Variants in PPP2R2B observed in about 807,000 individuals in gnomAD.
PPP2R2B encodes serine/threonine-protein phosphatase 2A 55 kDa regulatory subunit B beta isoform.
Under a neutral mutation model 46.0 loss-of-function variants are expected in PPP2R2B, and 5 were observed. The observed-to-expected ratio is 0.11, with a 90% CI of 0.06 to 0.23. PPP2R2B has a LOEUF of 0.23. Among genes scored for constraint, PPP2R2B ranks in the 10% least tolerant of loss-of-function variants. The probability of loss-of-function intolerance (pLI) is 1.00; values close to 1 mark genes in which losing one functional copy is unlikely to be tolerated. For missense variants in PPP2R2B, 367 were observed against 575.0 expected, an observed-to-expected ratio of 0.64 and a Z score of 3.70; for synonymous variants, 215 against 206.7, an observed-to-expected ratio of 1.04 and a Z score of -0.34.
At chr5:147,029,511 C>A (rs2151890492) in intron 1 of PPP2R2B, among the ~76,000 whole-genome samples, 1 of 152,154 alleles carries the variant, frequency 6.6e-6, no homozygotes, top group South Asian at 2.1e-4. Flanking sequence ...TATCCAATAC[C>A]CAATATCTTA....
rs550149433 is a variant in PPP2R2B, at chr5:146,936,628, G to C, written c.79+119037C>G. Among the ~76,000 whole-genome samples the C allele has an allele frequency of 8.0e-5, 12 of 149,772 alleles. No homozygotes were observed. The South Asian group carries it at 2.7e-3, about 34-fold the overall frequency. On this transcript the variant is annotated intron_variant, in intron 1 of 8. Transcript: ENST00000336640. ...CAGAACCTCTCTGTACAGAGAGATA[G>C]TAAGAGGACATGCACAAAGCACTAA...
chr5:146,775,884 T>C (rs1456240421), intron 2 of PPP2R2B, among the ~76,000 whole-genome samples: 1 of 152,006 alleles, frequency 6.6e-6, no homozygotes, highest in Non-Finnish European at 1.5e-5. Flanking sequence ...TACAATAGCA[T>C]AAAAAATAAT....
chr5:147,079,466 A>ATATATATT (rs1412259177), intron 2 of PPP2R2B, among the ~76,000 whole-genome samples: 2 of 145,758 alleles, frequency 1.4e-5, no homozygotes, highest in Non-Finnish European at 3.0e-5. Flanking sequence ...ATATATATAT[A>ATATATATT]TATACATGTG....
intron 2 of PPP2R2B, among the ~76,000 whole-genome samples, chr5:147,074,769 T>C (rs1757709848): frequency 6.6e-6 from 1 of 152,146 alleles, no homozygotes; most frequent in African/African-American, 2.4e-5. Flanking sequence ...TACTTTAGGG[T>C]ATATGAAATA....
chr5:146,928,934 A>C (rs928321522), intron 1 of PPP2R2B, among the ~76,000 whole-genome samples: 1 of 152,066 alleles, frequency 6.6e-6, no homozygotes, highest in East Asian at 1.9e-4. Context: ...GGCATCCTTA[A>C]TGCTTCCGGA....
chr5:146,590,669 C>A (rs2150998208), intron 9 of PPP2R2B, among the ~76,000 whole-genome samples: 1 of 152,256 alleles, frequency 6.6e-6, no homozygotes, highest in East Asian at 1.9e-4. Flanking sequence ...CCACTGTCAA[C>A]AGGGTTCCTG....
intron 2 of PPP2R2B, among the ~76,000 whole-genome samples, chr5:146,796,104 T>A (rs139597252): frequency 6.6e-6 from 1 of 152,238 alleles, no homozygotes; most frequent in Non-Finnish European, 1.5e-5. Flanking sequence ...ACTCAAACAA[T>A]GGTACACCAA....
chr5:147,070,426 C>A (rs1280295381), intron 2 of PPP2R2B, among the ~76,000 whole-genome samples: 2 of 152,284 alleles, frequency 1.3e-5, no homozygotes, highest in Middle Eastern at 3.4e-3. Context: ...CCAGGAACCA[C>A]CCCACAATGT....
intron 2 of PPP2R2B, among the ~76,000 whole-genome samples, chr5:147,075,768 C>A (rs1017457294): frequency 6.6e-6 from 1 of 152,086 alleles, no homozygotes; most frequent in Admixed American, 6.6e-5. Context: ...CCAAAACATG[C>A]CTGGAGCCTG....
chr5:146,813,132 AGT>A (rs570965857), intron 2 of PPP2R2B, among the ~76,000 whole-genome samples: 235 of 150,964 alleles, frequency 1.6e-3, no homozygotes, highest in Middle Eastern at 3.4e-3. Flanking sequence ...CTATATATAT[AGT>A]GTGTGTGTGT....
intron 1 of PPP2R2B, chr5:146,917,884 A>G (rs893528637): frequency 1.3e-5 from 2 of 152,170 alleles, no homozygotes; most frequent in Non-Finnish European, 2.9e-5. Context: ...GTTTAACAGT[A>G]AAGTGCCAAG....
chr5:146,781,076 A>C (rs923693235), intron 2 of PPP2R2B, among the ~76,000 whole-genome samples: 3 of 138,024 alleles, frequency 2.2e-5, no homozygotes, highest in African/African-American at 7.9e-5. Flanking sequence ...TTTGCTCTGG[A>C]CTATGTTAAC....
At chr5:146,781,460 A>G (rs988840851) in intron 2 of PPP2R2B, among the ~76,000 whole-genome samples, 1 of 151,892 alleles carries the variant, frequency 6.6e-6, no homozygotes, top group Non-Finnish European at 1.5e-5. Context: ...GACCACCTGG[A>G]TATTTAGTTT....
At chr5:147,035,589 G>A (rs938882461) in intron 1 of PPP2R2B, among the ~76,000 whole-genome samples, 9 of 152,092 alleles carry the variant, frequency 5.9e-5, no homozygotes, top group Non-Finnish European at 1.2e-4. Flanking sequence ...ATTTAATCTT[G>A]GGGCTTAGCT....
At chr5:146,835,112 G>A (rs1002429712) in intron 2 of PPP2R2B, among the ~76,000 whole-genome samples, 2 of 152,000 alleles carry the variant, frequency 1.3e-5, no homozygotes, top group African/African-American at 4.8e-5. Flanking sequence ...GTGTGTTAAA[G>A]GTGGATTTCA....
At chr5:147,001,062 G>T (rs1331341484) in intron 1 of PPP2R2B, among the ~76,000 whole-genome samples, 1 of 152,136 alleles carries the variant, frequency 6.6e-6, no homozygotes, top group Admixed American at 6.5e-5. Context: ...TCTGGCTAAA[G>T]GTTTGTAAAT....
intron 1 of PPP2R2B, among the ~76,000 whole-genome samples, chr5:146,952,740 C>T (rs1007497968): frequency 3.3e-5 from 5 of 152,020 alleles, no homozygotes; most frequent in Admixed American, 2.6e-4. Flanking sequence ...AGTCTGGAAC[C>T]GCAGGATCTG....
chr5:146,753,522 T>C (rs1396560507), intron 2 of PPP2R2B, among the ~76,000 whole-genome samples: 3 of 152,194 alleles, frequency 2.0e-5, no homozygotes, highest in Non-Finnish European at 2.9e-5. Flanking sequence ...GTTCCTTTTG[T>C]CAGCTGTCTC....
At chr5:146,598,042 T>C (rs946683337) in intron 8 of PPP2R2B, among the ~76,000 whole-genome samples, 2 of 152,238 alleles carry the variant, frequency 1.3e-5, no homozygotes, top group Non-Finnish European at 2.9e-5. Flanking sequence ...GAATCCCATT[T>C]CAGCTACCCT....
Sources: gnomAD v4.1 joint callset for allele counts (sites outside exome capture counted in the v4.1 genomes callset) on GRCh38, gnomAD v4.1.1 for gene constraint, MANE v1.5 for transcripts, NCBI Gene and HGNC (gene_info 2026-07-23, HGNC 2026-07-21) for gene names.